IFT140: variants seen among roughly 807,000 people sequenced by gnomAD.
IFT140 encodes the protein intraflagellar transport protein 140 homolog.
In IFT140, 133 loss-of-function variants were observed where a neutral mutation model predicts 164.6. The observed-to-expected ratio is 0.81, with a 90% CI of 0.70 to 0.93. The LOEUF is 0.93. IFT140 is among the 40% of genes least tolerant of loss of function. The pLI is 0.00. For synonymous variants in IFT140, 860 were observed against 817.3 expected (o/e 1.05, Z -0.89); for missense variants, 2,045 against 1,972.3 (o/e 1.04, Z -0.70).
In IFT140 at chr16:1,524,780, T is replaced by C. The variant is rs2040628664; in HGVS notation, c.2997+4A>G. The C allele has an allele frequency of 1.9e-6, 3 of 1,603,172 alleles. No homozygotes were observed. The highest frequency in any genetic ancestry group is 8.5e-7 in the Non-Finnish European group (1 of 1,171,392). On this transcript the variant is annotated splice_donor_region_variant and intron_variant, in intron 23 of 30. Coordinates refer to ENST00000426508, the MANE Select transcript of IFT140 (RefSeq NM_014714.4). Reference sequence around the variant, plus strand: ...CCTGGCCGGCTCCCCTGCGGGGACCTTACCTTCTGGACATTGCCCTGGAAG... The same window carrying C: ...CCTGGCCGGCTCCCCTGCGGGGACCCTACCTTCTGGACATTGCCCTGGAAG...
rs759791391 is a variant in IFT140, at chr16:1,510,945, CA to C, written c.4387del (p.Ter1463GlufsTer75). ...EVVEEADDDP[*>X] ...CGCTGGTCCTGGGGCCCAGGCCCCT[CA>C]GGGGTCGTCATCTGCCTCTTCCACC... On this transcript the variant is annotated frameshift_variant and stop_lost, in exon 31 of 31. Transcript: ENST00000426508. LOFTEE classifies it high-confidence loss of function. 14 of 1,610,568 alleles carry C rather than the reference CA, an allele frequency of 8.7e-6. No homozygotes were observed.
chr16:1,566,356 C>T, intron 15 of IFT140, 65 bp from the exon 16 acceptor site: 1 of 1,543,520 alleles, frequency 6.5e-7, no homozygotes, highest in Non-Finnish European at 8.9e-7. Context: ...GTGGGCTGTG[C>T]TAGGGGACTG....
intron 17 of IFT140, among the ~76,000 whole-genome samples, chr16:1,563,009 A>C (rs1457549714): frequency 6.6e-6 from 1 of 152,100 alleles, no homozygotes; most frequent in Non-Finnish European, 1.5e-5. Context: ...GAGTTCAGAC[A>C]AGGGCGCATC....
intron 4 of IFT140, among the ~76,000 whole-genome samples, chr16:1,600,895 A>C (rs2035762691): frequency 6.8e-6 from 1 of 147,100 alleles, no homozygotes; most frequent in African/African-American, 2.5e-5. Context: ...TGAAAGACCA[A>C]AAAAAAAAAA....
chr16:1,610,163 T>G (rs2036264389), intron 2 of IFT140: 1 of 154,922 alleles, frequency 6.5e-6, no homozygotes, highest in African/African-American at 2.4e-5. Flanking sequence ...GGGGCCACCC[T>G]ACAAAGCCTC....
At chr16:1,577,972 C>T (rs940211035) in intron 13 of IFT140, 1 of 152,024 alleles carries the variant, frequency 6.6e-6, no homozygotes, top group Non-Finnish European at 1.5e-5. Context: ...ATGGCAGCAA[C>T]AAGTGTGCTT....
Position 1,520,303 on chromosome 16 carries a change from A to G in IFT140, c.3701T>C (p.Ile1234Thr). Residue 1234 changes from isoleucine (I) to threonine (T), a missense_variant, in exon 28 of 31, where the codon ATC becomes ACC. Coordinates refer to ENST00000426508, the MANE Select transcript of IFT140 (RefSeq NM_014714.4). ...CCTGGACACGCTCGCGAAGAACGTG[A>G]TTTTCTCCGTGTCTCCGGATTTGAG... Reference protein sequence around the residue: ...ALLKSGDTEKITFFASVSRQK... With the variant: ...ALLKSGDTEKTTFFASVSRQK... The G allele has an allele frequency of 6.2e-7, 1 of 1,614,102 alleles. No homozygotes were observed. The highest frequency in any genetic ancestry group is 1.1e-5 in the South Asian group (1 of 91,088).
chr16:1,593,254 C>T (rs760138447), intron 4 of IFT140, among the ~76,000 whole-genome samples: 17 of 152,202 alleles, frequency 1.1e-4, no homozygotes, highest in Non-Finnish European at 2.1e-4. Flanking sequence ...TTCTACAGAG[C>T]GTCTCCACAT....
At chr16:1,512,597 ATC>A (rs1169768288) in intron 30 of IFT140, among the ~76,000 whole-genome samples, 1 of 152,202 alleles carries the variant, frequency 6.6e-6, no homozygotes, top group African/African-American at 2.4e-5. Context: ...CAGTCTGGGC[ATC>A]TCTCTACTCC....
At chr16:1,611,504 AAG>A (rs1376362488) in intron 1 of IFT140, among the ~76,000 whole-genome samples, 9 of 147,220 alleles carry the variant, frequency 6.1e-5, no homozygotes, top group African/African-American at 1.3e-4. Context: ...AAAAAAAAAA[AAG>A]AAAAGAAAAA....
At position 1,592,496 on chromosome 16, in the gene IFT140, G is replaced by A; in HGVS notation, c.462C>T (p.His154=). 1 of 1,614,260 alleles carries A rather than the reference G, an allele frequency of 6.2e-7. No individual in the cohort carries two copies. Among genetic ancestry groups the A allele is most frequent in the Non-Finnish European group, 8.5e-7 (1 of 1,180,056 alleles). Reference sequence around the variant, plus strand: ...CAGGAGGGGGGAGCCGGAAGATGCAGTGCGTGAGGTGTTTCCCATACTCGT... The same window carrying A: ...CAGGAGGGGGGAGCCGGAAGATGCAATGCGTGAGGTGTTTCCCATACTCGT... ...LKHEYGKHLT[H]CIFRLPPPGE... is the part of the protein sequence containing the mutation. Residue 154 remains histidine (H), a synonymous_variant, in exon 5 of 31, where the codon CAC becomes CAT. Coordinates refer to ENST00000426508, the MANE Select transcript of IFT140 (RefSeq NM_014714.4).
chr16:1,562,042 A>G lies in IFT140; in HGVS notation c.2142T>C (p.Pro714=), dbSNP rs1372854875. ...TCCCCAGGAGACTGTGGGAGGTGGCAGGCCGGGGGAAGCTCTCATGAAGCA... is the reference window on the plus strand; with the variant it reads ...TCCCCAGGAGACTGTGGGAGGTGGCGGGCCGGGGGAAGCTCTCATGAAGCA... ...GFLLHESFPR[P]ATSHSLLGME... Residue 714 remains proline (P), a synonymous_variant, in exon 18 of 31, where the codon CCT becomes CCC. Coordinates refer to ENST00000426508, the MANE Select transcript of IFT140 (RefSeq NM_014714.4). 3.7e-6 allele frequency: 6 copies of G among 1,612,166 alleles called. No homozygotes were observed. The East Asian group carries it at 1.3e-4, about 36-fold the overall frequency.
At chr16:1,516,596 T>C (rs2745185) in intron 30 of IFT140, among the ~76,000 whole-genome samples, 65,196 of 151,480 alleles carry the variant, frequency 0.43, 16,796 homozygotes, top group African/African-American at 0.72. Context: ...GGTGAAACCC[T>C]GTCTCTACTA....
In IFT140 at chr16:1,518,764, G is replaced by T. The variant is rs147872524; in HGVS notation, c.4041-407C>A. On this transcript the variant is annotated intron_variant, in intron 29 of 30. Transcript: ENST00000426508. Reference sequence around the variant, plus strand: ...AACCCTCCAAGCAGAGAGGCTGCCCGCACACAGGCTGCGTGTGTGACCTGG... The same window carrying T: ...AACCCTCCAAGCAGAGAGGCTGCCCTCACACAGGCTGCGTGTGTGACCTGG... 5.3e-3 allele frequency among the ~76,000 whole-genome samples: 807 copies of T among 152,024 alleles called. 4 individuals are homozygous for T. Among genetic ancestry groups the T allele is most frequent in the Non-Finnish European group, 8.4e-3 (571 of 67,984 alleles).
chr16:1,535,476 C>A (rs1484400408), intron 19 of IFT140, among the ~76,000 whole-genome samples: 2 of 152,220 alleles, frequency 1.3e-5, no homozygotes, highest in East Asian at 3.8e-4. Context: ...CAGAGCCTCA[C>A]AGACTCGGGG....
chr16:1,513,472 G>GC (rs1171583220), intron 30 of IFT140, among the ~76,000 whole-genome samples: 4 of 151,920 alleles, frequency 2.6e-5, no homozygotes, highest in African/African-American at 9.7e-5. Flanking sequence ...CTGCACTCCA[G>GC]CTGGGCAACA....
At chr16:1,586,010 A>C in intron 10 of IFT140, 120 bp downstream of exon 10, 1 of 1,148,528 alleles carries the variant, frequency 8.7e-7, no homozygotes, top group Non-Finnish European at 1.3e-6. Context: ...TGACCTCATG[A>C]TCCACCCGCC....
intron 19 of IFT140, among the ~76,000 whole-genome samples, chr16:1,537,059 T>G (rs1340445312): frequency 1.3e-5 from 2 of 152,214 alleles, no homozygotes; most frequent in African/African-American, 4.8e-5. Context: ...CTTCCTGCCT[T>G]GGCCAGTGTT....
At chr16:1,594,225 T>C (rs1396774450) in intron 4 of IFT140, among the ~76,000 whole-genome samples, 3 of 148,038 alleles carry the variant, frequency 2.0e-5, no homozygotes, top group Non-Finnish European at 1.5e-5. Context: ...AAAAGTTTTT[T>C]GTTTTTTTTT....
Sources: allele counts gnomAD v4.1 joint callset (sites outside exome capture counted in the v4.1 genomes callset), GRCh38; gene constraint gnomAD v4.1.1; transcripts MANE v1.5; gene names NCBI Gene and HGNC (gene_info 2026-07-23, HGNC 2026-07-21).